The following GRIK1 variants were observed in gnomAD, a reference collection of about 807,000 sequenced individuals.
The protein encoded by GRIK1 is glutamate ionotropic receptor kainate type subunit 1, also known as glutamate receptor ionotropic, kainate 1.
A neutral mutation model predicts 105.7 loss-of-function variants in GRIK1; 69 were observed. The observed-to-expected ratio is 0.65, with a 90% CI of 0.54 to 0.80. GRIK1 has a LOEUF of 0.80. Among genes scored for constraint, GRIK1 ranks in the 30% least tolerant of loss-of-function variants. The pLI is 0.00. For synonymous variants in GRIK1, 438 were observed against 431.3 expected (o/e 1.02, Z -0.19); for missense variants, 1,109 against 1,167.3 (o/e 0.95, Z 0.73).
intron 14 of GRIK1, among the ~76,000 whole-genome samples, chr21:29,562,957 A>T (rs2090518685): frequency 6.6e-6 from 1 of 152,022 alleles, no homozygotes; most frequent in Admixed American, 6.6e-5. Context: ...TTGAATAGTG[A>T]TCTATGATTA....
intron 1 of GRIK1, among the ~76,000 whole-genome samples, chr21:29,718,562 C>T (rs1249886264): frequency 6.6e-6 from 1 of 152,212 alleles, no homozygotes; most frequent in African/African-American, 2.4e-5. Flanking sequence ...GTCTCAGCTT[C>T]ATTTCCTGGT....
intron 15 of GRIK1, among the ~76,000 whole-genome samples, chr21:29,561,340 A>G (rs2090474714): frequency 6.6e-6 from 1 of 152,208 alleles, no homozygotes; most frequent in African/African-American, 2.4e-5. Flanking sequence ...TTAGAAATAT[A>G]TTCTCTTTAA....
chr21:29,730,840 T>C (rs55959992), intron 1 of GRIK1, among the ~76,000 whole-genome samples: 3 of 152,080 alleles, frequency 2.0e-5, no homozygotes, highest in Non-Finnish European at 2.9e-5. Context: ...CTTCAAAAAA[T>C]TCATTAAAAA....
At chr21:29,885,456 T>G (rs370474728) in intron 1 of GRIK1, among the ~76,000 whole-genome samples, 3 of 152,068 alleles carry the variant, frequency 2.0e-5, no homozygotes, top group East Asian at 3.9e-4. Context: ...AAAAAAATCT[T>G]GTGATATAGA....
chr21:29,775,940 T>C (rs762372062), intron 1 of GRIK1, among the ~76,000 whole-genome samples: 4 of 152,198 alleles, frequency 2.6e-5, no homozygotes, highest in Middle Eastern at 3.2e-3. Context: ...AAAGGAAAGA[T>C]GTTTAATTGA....
chr21:29,670,579 A>T (rs2063144453), intron 4 of GRIK1, among the ~76,000 whole-genome samples: 1 of 152,126 alleles, frequency 6.6e-6, no homozygotes, highest in Admixed American at 6.5e-5. Context: ...TTTGGGAGAG[A>T]TGTGGCCAGT....
At chr21:29,854,709 A>G (rs757947300) in intron 1 of GRIK1, among the ~76,000 whole-genome samples, 25 of 152,144 alleles carry the variant, frequency 1.6e-4, no homozygotes, top group Non-Finnish European at 3.2e-4. Context: ...CTTTAGTTGC[A>G]CTCAGGAACT....
chr21:29,689,246 A>G (rs989113506), intron 3 of GRIK1, among the ~76,000 whole-genome samples: 2 of 152,148 alleles, frequency 1.3e-5, no homozygotes, highest in South Asian at 2.1e-4. Flanking sequence ...GCACTCATCA[A>G]TGGGGATTCA....
intron 16 of GRIK1, chr21:29,553,638 T>A: frequency 6.2e-7 from 1 of 1,609,514 alleles, no homozygotes; most frequent in Non-Finnish European, 8.5e-7. Context: ...GTAGATAAAG[T>A]AGTTCCAGAA....
chr21:29,702,410 C>T (rs2063829238), intron 1 of GRIK1, among the ~76,000 whole-genome samples: 1 of 152,060 alleles, frequency 6.6e-6, no homozygotes, highest in Non-Finnish European at 1.5e-5. Flanking sequence ...TGGGAGTCAC[C>T]ACCATAAAGG....
Position 29,832,206 on chromosome 21 carries a change from A to T in GRIK1, c.118+107177T>A, listed in dbSNP as rs149100202. ...CCACCCCTATGGATCTGCAGGGTGC[A>T]TCCCCCTCAGCTGCTTTCCTGGACT... On this transcript the variant is annotated intron_variant, in intron 1 of 17. Transcript: ENST00000327783. Among the ~76,000 whole-genome samples, 22 of 152,288 alleles carry T rather than the reference A, an allele frequency of 1.4e-4. 1 individual carries two copies. The highest frequency in any genetic ancestry group is 5.1e-4 in the African/African-American group (21 of 41,576).
chr21:29,796,847 G>A (rs1247314266), intron 1 of GRIK1, among the ~76,000 whole-genome samples: 2 of 152,128 alleles, frequency 1.3e-5, no homozygotes, highest in African/African-American at 2.4e-5. Context: ...TACTCGAGAA[G>A]CTGAAGTAGG....
At chr21:29,712,639 C>T (rs953838553) in intron 1 of GRIK1, among the ~76,000 whole-genome samples, 1 of 152,082 alleles carries the variant, frequency 6.6e-6, no homozygotes, top group African/African-American at 2.4e-5. Flanking sequence ...GAACGTTTTT[C>T]CACAATGATT....
chr21:29,867,881 AG>A (rs1437125445), intron 1 of GRIK1, among the ~76,000 whole-genome samples: 1 of 17,588 alleles, frequency 5.7e-5, no homozygotes, highest in African/African-American at 3.4e-4. Flanking sequence ...AGAGAAAGAG[AG>A]AGAAAGAGAG....
chr21:29,650,952 C>T (rs776021831), intron 6 of GRIK1, among the ~76,000 whole-genome samples, 166 bp downstream of exon 6: 1 of 152,184 alleles, frequency 6.6e-6, no homozygotes, highest in Non-Finnish European at 1.5e-5. Context: ...TTGCTAGTAG[C>T]CAGTCACAGC....
chr21:29,764,484 C>T (rs144225358), intron 1 of GRIK1, among the ~76,000 whole-genome samples: 401 of 152,262 alleles, frequency 2.6e-3, no homozygotes, highest in African/African-American at 9.0e-3. Context: ...ATTGCAAAGT[C>T]ATCTAAAATT....
chr21:29,866,433 T>G (rs1453561628), intron 1 of GRIK1, among the ~76,000 whole-genome samples: 1 of 152,204 alleles, frequency 6.6e-6, no homozygotes, highest in Non-Finnish European at 1.5e-5. Flanking sequence ...AAACTGCACC[T>G]GCTATTACCT....
intron 1 of GRIK1, among the ~76,000 whole-genome samples, chr21:29,843,033 G>A (rs906857895): frequency 6.6e-6 from 1 of 151,842 alleles, no homozygotes. Flanking sequence ...TTTTCCATCT[G>A]TGTTCTCAGT....
chr21:29,656,797 G>A (rs1306756992), intron 4 of GRIK1, among the ~76,000 whole-genome samples: 1 of 152,132 alleles, frequency 6.6e-6, no homozygotes, highest in African/African-American at 2.4e-5. Flanking sequence ...ATAACTGCAT[G>A]AACACCAGTC....
Sources: gnomAD v4.1 joint callset for allele counts (sites outside exome capture counted in the v4.1 genomes callset) on GRCh38, gnomAD v4.1.1 for gene constraint, MANE v1.5 for transcripts, NCBI Gene and HGNC (gene_info 2026-07-23, HGNC 2026-07-21) for gene names.